Variants in MBTD1 observed in about 807,000 individuals in gnomAD.
MBTD1 encodes the protein MBT domain-containing protein 1.
In MBTD1, 24 loss-of-function variants were observed where a neutral mutation model predicts 87.8. The ratio of observed to expected loss-of-function variants is 0.27; its 90% CI spans 0.20 to 0.38. The LOEUF (loss-of-function observed/expected upper bound fraction) is 0.38. MBTD1 is among the 10% of genes least tolerant of loss of function. The probability of loss-of-function intolerance (pLI) is 1.00; values close to 1 mark genes in which losing one functional copy is unlikely to be tolerated. For missense variants in MBTD1, 436 were observed against 760.2 expected (o/e 0.57, Z 5.02); for synonymous variants, 237 against 248.6 (o/e 0.95, Z 0.44).
chr17:51,229,269 T>G (rs1598389979), intron 2 of MBTD1, among the ~76,000 whole-genome samples: 1 of 152,174 alleles, frequency 6.6e-6, no homozygotes, highest in East Asian at 1.9e-4. Context: ...ATTTGGCACC[T>G]ATCCTTTTTC....
chr17:51,240,094 C>T (rs193294866), intron 2 of MBTD1, among the ~76,000 whole-genome samples: 1 of 151,950 alleles, frequency 6.6e-6, no homozygotes, highest in African/African-American at 2.4e-5. Context: ...GACTTTTTAC[C>T]CTTTTTCTAT....
intron 2 of MBTD1, among the ~76,000 whole-genome samples, chr17:51,255,012 G>A (rs2144265413): frequency 6.6e-6 from 1 of 152,346 alleles, no homozygotes; most frequent in African/African-American, 2.4e-5. Context: ...GCCAGGCGCA[G>A]TGGCTCACGC....
chr17:51,196,811 G>A (rs1010433414), intron 12 of MBTD1, among the ~76,000 whole-genome samples: 4 of 151,506 alleles, frequency 2.6e-5, no homozygotes, highest in Non-Finnish European at 4.4e-5. Context: ...AGAATTGCTC[G>A]AACCTGGAAG....
chr17:51,216,258 A>C (rs2052564787), intron 6 of MBTD1, among the ~76,000 whole-genome samples: 1 of 152,184 alleles, frequency 6.6e-6, no homozygotes, highest in South Asian at 2.1e-4. Flanking sequence ...CAAAATGTTA[A>C]ATGCAAACAA....
At position 51,180,377 on chromosome 17, in the gene MBTD1, C is replaced by T; in HGVS notation, c.*199G>A. On this transcript the variant is annotated 3_prime_UTR_variant, in exon 17 of 17. Coordinates refer to ENST00000586178, the MANE Select transcript of MBTD1 (RefSeq NM_017643.3). Reference sequence around the variant, plus strand: ...CTTCAAATACAACACAAAAATTGTCCATCTTTATAAATTGAAAATTTCCCA... The same window carrying T: ...CTTCAAATACAACACAAAAATTGTCTATCTTTATAAATTGAAAATTTCCCA... The T allele has an allele frequency of 2.3e-6, 1 of 426,178 alleles. No homozygotes were observed. The highest frequency in any genetic ancestry group is 4.1e-6 in the Non-Finnish European group (1 of 242,854). The allele number at this position is 426,178 out of a possible 1,614,324, so 26.4% of individuals were successfully genotyped here.
At chr17:51,251,037 C>G (rs921593275) in intron 2 of MBTD1, 1 of 152,030 alleles carries the variant, frequency 6.6e-6, no homozygotes, top group African/African-American at 2.4e-5. Context: ...GTATTTGTTT[C>G]AGAATATTTC....
At chr17:51,231,376 G>A (rs1163582313) in intron 2 of MBTD1, among the ~76,000 whole-genome samples, 1 of 152,102 alleles carries the variant, frequency 6.6e-6, no homozygotes. Context: ...AGGGAATATA[G>A]CCTTAAAATT....
At chr17:51,217,597 GCAAA>G (rs774809342) in intron 5 of MBTD1, among the ~76,000 whole-genome samples, 181 bp from the exon 6 acceptor site, 1 of 151,996 alleles carries the variant, frequency 6.6e-6, no homozygotes, top group East Asian at 1.9e-4. Context: ...TATCATATTT[GCAAA>G]CAAACAGGAG....
chr17:51,219,397 A>G (rs537022450), intron 4 of MBTD1, among the ~76,000 whole-genome samples: 1 of 152,314 alleles, frequency 6.6e-6, no homozygotes, highest in Admixed American at 6.5e-5. Flanking sequence ...GCAGGTTGCC[A>G]AGCATTGCTA....
intron 9 of MBTD1, 96 bp downstream of exon 9, chr17:51,203,044 C>G (rs991262625): frequency 2.2e-5 from 28 of 1,260,696 alleles, no homozygotes; most frequent in Non-Finnish European, 3.2e-5. Flanking sequence ...TAACACAGAT[C>G]ATCTGGTTCA....
At chr17:51,247,223 TTTCTC>T in intron 2 of MBTD1, among the ~76,000 whole-genome samples, 1 of 152,312 alleles carries the variant, frequency 6.6e-6, no homozygotes, top group South Asian at 2.1e-4. Context: ...GAACACAACT[TTTCTC>T]TTCTGACCGA....
At chr17:51,190,750 A>AAAAATATAT (rs1555677185) in intron 16 of MBTD1, among the ~76,000 whole-genome samples, 2 of 39,714 alleles carry the variant, frequency 5.0e-5, no homozygotes, top group African/African-American at 3.0e-4. Context: ...AAAAAAAAAA[A>AAAAATATAT]ATATATATAT....
At chr17:51,250,606 TTGCCTCTA>T (rs2054722587) in intron 2 of MBTD1, 1 of 152,228 alleles carries the variant, frequency 6.6e-6, no homozygotes, top group African/African-American at 2.4e-5. Context: ...TCTAATTCTC[TTGCCTCTA>T]TGTCACGTCT....
intron 8 of MBTD1, 35 bp downstream of exon 8, chr17:51,203,755 TA>T (rs773591567): frequency 2.5e-6 from 4 of 1,584,004 alleles, no homozygotes; most frequent in Non-Finnish European, 3.4e-6. Context: ...AGTACACATA[TA>T]AAAAAATTAC....
intron 2 of MBTD1, among the ~76,000 whole-genome samples, chr17:51,244,085 G>T (rs1358940659): frequency 6.6e-6 from 1 of 152,078 alleles, no homozygotes; most frequent in Non-Finnish European, 1.5e-5. Context: ...GCAACCAATC[G>T]GCAACCTCAG....
chr17:51,228,234 G>A (rs956458984), intron 2 of MBTD1, among the ~76,000 whole-genome samples: 1 of 152,050 alleles, frequency 6.6e-6, no homozygotes, highest in African/African-American at 2.4e-5. Context: ...TAGAGGGTGG[G>A]AGGAGGGAGA....
chr17:51,195,984 T>G (rs1423413482), intron 12 of MBTD1, among the ~76,000 whole-genome samples: 4 of 152,188 alleles, frequency 2.6e-5, no homozygotes, highest in African/African-American at 9.7e-5. Context: ...CATGGCCCAC[T>G]GCAGCCTTGA....
chr17:51,206,834 A>G, intron 7 of MBTD1, 54 bp downstream of exon 7: 3 of 1,201,724 alleles, frequency 2.5e-6, no homozygotes, highest in Non-Finnish European at 3.6e-6. Flanking sequence ...TTTTTTTACG[A>G]AAGGTTACAA....
intron 3 of MBTD1, among the ~76,000 whole-genome samples, chr17:51,223,726 C>T (rs1165032004): frequency 6.6e-6 from 1 of 152,052 alleles, no homozygotes; most frequent in Non-Finnish European, 1.5e-5. Context: ...GTCCCAGCTA[C>T]TTGCGAGGCT....
Sources: gnomAD v4.1 joint callset for allele counts (sites outside exome capture counted in the v4.1 genomes callset) on GRCh38, gnomAD v4.1.1 for gene constraint, MANE v1.5 for transcripts, NCBI Gene and HGNC (gene_info 2026-07-23, HGNC 2026-07-21) for gene names.